PDE4D: variants seen among roughly 807,000 people sequenced by gnomAD.
The protein encoded by PDE4D is 3',5'-cyclic-AMP phosphodiesterase 4D.
A neutral mutation model predicts 87.4 loss-of-function variants in PDE4D; 24 were observed. The ratio of observed to expected loss-of-function variants is 0.27; its 90% CI spans 0.20 to 0.39. The LOEUF (loss-of-function observed/expected upper bound fraction) is 0.39, where lower values mean the gene tolerates loss of function less well. Among genes scored for constraint, PDE4D ranks in the 10% least tolerant of loss-of-function variants. The pLI, the probability that PDE4D is intolerant of heterozygous loss-of-function variation, is 1.00. For synonymous variants in PDE4D, 384 were observed against 383.2 expected (o/e 1.00, Z -0.02); for missense variants, 714 against 1,041.0 (o/e 0.69, Z 4.32).
chr5:59,197,233 G>A (rs1225819783), intron 2 of PDE4D, among the ~76,000 whole-genome samples: 1 of 152,002 alleles, frequency 6.6e-6, no homozygotes, highest in African/African-American at 2.4e-5. Flanking sequence ...CTCTTTGGTT[G>A]TATCTCCTTT....
intron 2 of PDE4D, among the ~76,000 whole-genome samples, chr5:60,064,209 C>T (rs1231902364): frequency 3.3e-5 from 5 of 151,826 alleles, no homozygotes; most frequent in East Asian, 1.9e-4. Flanking sequence ...TTAATACTTA[C>T]GGAGGGTTTA....
intron 1 of PDE4D, among the ~76,000 whole-genome samples, chr5:60,338,817 T>C (rs1419428936): frequency 6.6e-6 from 1 of 152,120 alleles, no homozygotes; most frequent in African/African-American, 2.4e-5. Flanking sequence ...ATGCTGAGGT[T>C]GCCCCTTCCC....
chr5:60,397,088 A>G (rs760245092), intron 1 of PDE4D, among the ~76,000 whole-genome samples: 10 of 152,234 alleles, frequency 6.6e-5, no homozygotes, highest in Non-Finnish European at 1.3e-4. Context: ...TAAAACTGCA[A>G]TGAGCTATCA....
In PDE4D at chr5:60,198,956, A is replaced by C. The variant is rs145788774; in HGVS notation, c.-89-13269T>G. 5.1e-3 allele frequency among the ~76,000 whole-genome samples: 769 copies of C among 151,808 alleles called. 18 individuals carry two copies. The highest frequency in any genetic ancestry group is 0.017 in the African/African-American group (723 of 41,512). On this transcript the variant is annotated intron_variant, in intron 1 of 16. Transcript: ENST00000502484. Reference sequence around the variant, plus strand: ...CCACAAAATGAGAGAAGCCTGTACTAATTCTAGAGACACTCAATTATAGTA... The same window carrying C: ...CCACAAAATGAGAGAAGCCTGTACTCATTCTAGAGACACTCAATTATAGTA...
At chr5:59,586,673 C>T (rs551821916) in intron 1 of PDE4D, 1 of 985,332 alleles carries the variant, frequency 1.0e-6, no homozygotes, top group South Asian at 4.7e-5. Flanking sequence ...ACTAATAATC[C>T]TAAATGGTGG....
intron 2 of PDE4D, among the ~76,000 whole-genome samples, chr5:60,059,038 A>ATGTGTGTGTGTGTGTGTG (rs1413944284): frequency 6.1e-5 from 3 of 49,296 alleles, no homozygotes; most frequent in Non-Finnish European, 1.2e-4. Context: ...TGGCATTGTC[A>ATGTGTGTGTGTGTGTGTG]TATGTGTGTG....
chr5:59,278,668 TA>T (rs1278971493), intron 1 of PDE4D, among the ~76,000 whole-genome samples: 4 of 152,090 alleles, frequency 2.6e-5, no homozygotes, highest in African/African-American at 4.8e-5. Flanking sequence ...ACTCACTTTT[TA>T]AAAAAACTTA....
chr5:60,227,251 T>C (rs1745224218), intron 1 of PDE4D, among the ~76,000 whole-genome samples: 1 of 152,122 alleles, frequency 6.6e-6, no homozygotes, highest in Admixed American at 6.6e-5. Context: ...TAGGTGGATA[T>C]GCCTAATATA....
chr5:59,864,107 A>T (rs1746670795), intron 1 of PDE4D, among the ~76,000 whole-genome samples: 1 of 152,120 alleles, frequency 6.6e-6, no homozygotes, highest in Non-Finnish European at 1.5e-5. Flanking sequence ...TCTGTTCAAT[A>T]ACCTCATGGT....
intron 2 of PDE4D, among the ~76,000 whole-genome samples, chr5:60,043,801 A>G (rs989744353): frequency 1.3e-5 from 2 of 152,018 alleles, no homozygotes; most frequent in Non-Finnish European, 2.9e-5. Context: ...TTCTTTCAAC[A>G]TTTATTTCAA....
chr5:59,893,640 C>G lies in PDE4D; in HGVS notation c.-18G>C. The G allele has an allele frequency of 1.4e-6, 2 of 1,473,960 alleles. No homozygotes were observed. Among genetic ancestry groups the G allele is most frequent in the Non-Finnish European group, 8.9e-7 (1 of 1,118,538 alleles). The allele number at this position is 1,473,960 out of a possible 1,614,324, so 91.3% of individuals were successfully genotyped here. A position where few individuals can be genotyped will look rare whatever the true frequency, so the allele number is the denominator to read the frequency against. On this transcript the variant is annotated 5_prime_UTR_variant, in exon 1 of 15. Transcript: ENST00000340635. Reference sequence around the variant, plus strand: ...GCCTCCATCCTGGCTCGCGGCTCCGCGACCTGCTGCCCAGCCCGGGTTCAC... The same window carrying G: ...GCCTCCATCCTGGCTCGCGGCTCCGGGACCTGCTGCCCAGCCCGGGTTCAC...
intron 1 of PDE4D, among the ~76,000 whole-genome samples, chr5:60,208,357 T>C (rs1262708606): frequency 2.0e-5 from 3 of 152,168 alleles, no homozygotes; most frequent in African/African-American, 7.2e-5. Flanking sequence ...TACCTTGGTG[T>C]GTCTGAAGCA....
rs1165251015 is a variant in PDE4D, at chr5:58,974,348, C to T, written c.*316G>A. 1 of 207,194 alleles carries T rather than the reference C, an allele frequency of 4.8e-6. No homozygotes were observed. The highest frequency in any genetic ancestry group is 9.6e-6 in the Non-Finnish European group (1 of 104,032). 12.8% of individuals were successfully genotyped at this position (207,194 alleles called of 1,614,324 possible). A position where few individuals can be genotyped will look rare whatever the true frequency, so the allele number is the denominator to read the frequency against. On this transcript the variant is annotated 3_prime_UTR_variant, in exon 15 of 15. Coordinates refer to ENST00000340635, the MANE Select transcript of PDE4D (RefSeq NM_001104631.2). ...GAATAGAAACCCCAAGTCCAATAAACTTTTGGGCTGCCTGATGAGTCACAC... is the reference window on the plus strand; with the variant it reads ...GAATAGAAACCCCAAGTCCAATAAATTTTTGGGCTGCCTGATGAGTCACAC...
rs374494006 is a variant in PDE4D, at chr5:60,194,435, A to G, written c.-89-8748T>C. Among the ~76,000 whole-genome samples, 33 of 151,726 alleles carry G rather than the reference A, an allele frequency of 2.2e-4. 3 individuals are homozygous for G. Among genetic ancestry groups the G allele is most frequent in the Non-Finnish European group, 3.2e-4 (22 of 67,842 alleles). ...TTCTTATTTTGTCTACATCTAAAAT[A>G]TGAGTGATACCATTGATATTATTTT... On this transcript the variant is annotated intron_variant, in intron 1 of 16. Coordinates refer to the PDE4D transcript ENST00000502484.
intron 1 of PDE4D, among the ~76,000 whole-genome samples, chr5:60,251,985 T>C (rs999395332): frequency 3.9e-5 from 6 of 151,972 alleles, no homozygotes; most frequent in African/African-American, 1.4e-4. Flanking sequence ...TGTTTACATA[T>C]GCTTAGATAC....
intron 1 of PDE4D, among the ~76,000 whole-genome samples, chr5:60,384,045 T>G (rs147379262): frequency 6.6e-6 from 1 of 152,304 alleles, no homozygotes; most frequent in East Asian, 1.9e-4. Context: ...GAATTGTTAT[T>G]CAAAATTCAA....
At chr5:59,056,423 G>T (rs903118619) in intron 5 of PDE4D, among the ~76,000 whole-genome samples, 1 of 151,998 alleles carries the variant, frequency 6.6e-6, no homozygotes, top group African/African-American at 2.4e-5. Context: ...GAGTTTTTTT[G>T]TTTGTTTGTT....
intron 1 of PDE4D, among the ~76,000 whole-genome samples, chr5:59,847,931 G>A (rs1177523749): frequency 2.6e-5 from 4 of 151,946 alleles, no homozygotes; most frequent in Admixed American, 6.6e-5. Flanking sequence ...TCTGCTATGC[G>A]GGGCAGGAAG....
intron 2 of PDE4D, among the ~76,000 whole-genome samples, chr5:59,198,364 T>C (rs1745957985): frequency 6.6e-6 from 1 of 152,198 alleles, no homozygotes; most frequent in South Asian, 2.1e-4. Context: ...TGCACATATG[T>C]ATGTATGTGA....
Sources: allele counts gnomAD v4.1 joint callset (sites outside exome capture counted in the v4.1 genomes callset), GRCh38; gene constraint gnomAD v4.1.1; transcripts MANE v1.5; gene names NCBI Gene and HGNC (gene_info 2026-07-23, HGNC 2026-07-21).